The following PAFAH1B1 variants were observed in gnomAD, a reference collection of about 807,000 sequenced individuals.
PAFAH1B1 encodes the protein platelet activating factor acetylhydrolase 1b regulatory subunit 1.
PAFAH1B1 carries 2 observed loss-of-function variants against 57.5 expected under a neutral mutation model. That is an observed-to-expected ratio of 0.03 (90% confidence interval 0.01 to 0.11). The LOEUF is 0.11. Among genes scored for constraint, PAFAH1B1 ranks in the 10% least tolerant of loss-of-function variants. The pLI is 1.00. For missense variants in PAFAH1B1, 257 were observed against 512.0 expected, an observed-to-expected ratio of 0.50 and a Z score of 4.81; for synonymous variants, 152 against 169.6, an observed-to-expected ratio of 0.90 and a Z score of 0.81.
intron 1 of PAFAH1B1, chr17:2,613,254 C>A: frequency 5.4e-6 from 1 of 184,834 alleles, no homozygotes. Context: ...TGTGTGGCCC[C>A]ACCCCCCACC....
At chr17:2,617,449 T>C (rs1474312143) in intron 1 of PAFAH1B1, among the ~76,000 whole-genome samples, 1 of 152,186 alleles carries the variant, frequency 6.6e-6, no homozygotes, top group African/African-American at 2.4e-5. Context: ...TAAAAGAATT[T>C]TACAACTTTT....
rs1374217018 is a variant in PAFAH1B1, at chr17:2,644,668, CA to C, written c.32+6351del. 9.9e-5 allele frequency among the ~76,000 whole-genome samples: 15 copies of C among 152,170 alleles called. 1 individual carries two copies. The highest frequency in any genetic ancestry group is 7.2e-4 in the Admixed American group (11 of 15,278). ...GGTAGTTTTCAATATTTTGTAACTC[CA>C]AATAATACTGTAATACATAACCCTG... On this transcript the variant is annotated intron_variant, in intron 2 of 10. Coordinates refer to ENST00000397195, the MANE Select transcript of PAFAH1B1 (RefSeq NM_000430.4).
chr17:2,644,968 C>T (rs1378223655), intron 2 of PAFAH1B1, among the ~76,000 whole-genome samples: 1 of 152,052 alleles, frequency 6.6e-6, no homozygotes, highest in Non-Finnish European at 1.5e-5. Context: ...TTCATCAGGC[C>T]AGGTGTGGTG....
chr17:2,656,625 T>G (rs1309310040), intron 2 of PAFAH1B1, among the ~76,000 whole-genome samples: 1 of 152,186 alleles, frequency 6.6e-6, no homozygotes, highest in East Asian at 1.9e-4. Context: ...GAGTAAAAAC[T>G]GCTCCATCAA....
At chr17:2,634,565 T>A (rs184742957) in intron 1 of PAFAH1B1, among the ~76,000 whole-genome samples, 21 of 152,344 alleles carry the variant, frequency 1.4e-4, no homozygotes, top group African/African-American at 4.3e-4. Flanking sequence ...TCATTTTTTT[T>A]ATTTACTCCT....
intron 1 of PAFAH1B1, among the ~76,000 whole-genome samples, chr17:2,612,236 T>A (rs2068275377): frequency 6.8e-6 from 1 of 147,436 alleles, no homozygotes; most frequent in South Asian, 2.2e-4. Context: ...TGAGACTGAG[T>A]CTCATCGCCC....
At chr17:2,658,097 T>TCTC (rs778867962) in intron 2 of PAFAH1B1, among the ~76,000 whole-genome samples, 1 of 152,070 alleles carries the variant, frequency 6.6e-6, no homozygotes, top group African/African-American at 2.4e-5. Context: ...TAAGGCAAAA[T>TCTC]CTCCTCCTCT....
chr17:2,641,780 C>T (rs1440893912), intron 2 of PAFAH1B1: 3 of 152,144 alleles, frequency 2.0e-5, no homozygotes, highest in Non-Finnish European at 4.4e-5. Flanking sequence ...GGCATTATTA[C>T]TGGGATGTCT....
intron 2 of PAFAH1B1, among the ~76,000 whole-genome samples, chr17:2,644,829 A>G (rs972407741): frequency 6.6e-6 from 1 of 152,216 alleles, no homozygotes; most frequent in Admixed American, 6.5e-5. Context: ...AATCAGGATA[A>G]GTATTTAAGC....
intron 1 of PAFAH1B1, among the ~76,000 whole-genome samples, chr17:2,634,704 G>T (rs1007594673): frequency 2.0e-5 from 3 of 151,740 alleles, no homozygotes; most frequent in Admixed American, 2.0e-4. Flanking sequence ...CTCCCTATTG[G>T]CCCTGGGATA....
chr17:2,626,699 C>T (rs966275573), intron 1 of PAFAH1B1, among the ~76,000 whole-genome samples: 8 of 151,708 alleles, frequency 5.3e-5, no homozygotes, highest in Admixed American at 2.6e-4. Flanking sequence ...GGATTACATG[C>T]GCGTGCCACC....
chr17:2,680,371 A>C, intron 10 of PAFAH1B1, 51 bp downstream of exon 10: 1 of 1,526,844 alleles, frequency 6.5e-7, no homozygotes, highest in Non-Finnish European at 9.1e-7. Flanking sequence ...AGTGCCAGAC[A>C]AACTGTGTTT....
intron 1 of PAFAH1B1, among the ~76,000 whole-genome samples, chr17:2,633,742 ATAGT>A (rs2068585602): frequency 6.6e-6 from 1 of 151,996 alleles, no homozygotes; most frequent in East Asian, 1.9e-4. Flanking sequence ...ACTTTGCTTG[ATAGT>A]TGGACAGGTT....
At chr17:2,638,973 C>T (rs567833106) in intron 2 of PAFAH1B1, among the ~76,000 whole-genome samples, 5 of 152,230 alleles carry the variant, frequency 3.3e-5, no homozygotes, top group East Asian at 1.9e-4. Flanking sequence ...AATCTCGGCT[C>T]ACTGCAAGCT....
intron 1 of PAFAH1B1, among the ~76,000 whole-genome samples, chr17:2,632,745 T>C (rs2068571258): frequency 6.6e-6 from 1 of 152,214 alleles, no homozygotes; most frequent in African/African-American, 2.4e-5. Context: ...TTATATGTAA[T>C]CCAGAGATGA....
chr17:2,644,954 A>C (rs937880885), intron 2 of PAFAH1B1, among the ~76,000 whole-genome samples: 1 of 152,174 alleles, frequency 6.6e-6, no homozygotes, highest in African/African-American at 2.4e-5. Context: ...AATAATTTAA[A>C]ATGTTCATCA....
At chr17:2,674,429 C>G in intron 8 of PAFAH1B1, 141 bp downstream of exon 8, 2 of 699,246 alleles carry the variant, frequency 2.9e-6, no homozygotes, top group African/African-American at 3.5e-5. Flanking sequence ...ATTCTCTACT[C>G]TTCACAGCTT....
Position 2,593,659 on chromosome 17 carries a change from G to A in PAFAH1B1, c.-538G>A, listed in dbSNP as rs1184966676. On this transcript the variant is annotated 5_prime_UTR_variant, in exon 1 of 11. Coordinates refer to ENST00000397195, the MANE Select transcript of PAFAH1B1 (RefSeq NM_000430.4). ...GTTGGGGCAGCTCCTGTGACAGACGGAGCTGGAGCGGCGGGGCGGCGGCGG... is the reference window on the plus strand; with the variant it reads ...GTTGGGGCAGCTCCTGTGACAGACGAAGCTGGAGCGGCGGGGCGGCGGCGG... 1.1e-5 allele frequency: 3 copies of A among 275,142 alleles called. 1 individual carries two copies. Among genetic ancestry groups the A allele is most frequent in the Non-Finnish European group, 2.0e-5 (3 of 150,180 alleles). 17.0% of individuals were successfully genotyped at this position (275,142 alleles called of 1,614,324 possible). A position where few individuals can be genotyped will look rare whatever the true frequency, so the allele number is the denominator to read the frequency against.
chr17:2,594,525 A>T (rs2068062978), intron 1 of PAFAH1B1, among the ~76,000 whole-genome samples: 1 of 151,908 alleles, frequency 6.6e-6, no homozygotes, highest in Non-Finnish European at 1.5e-5. Context: ...CGGGGCACTC[A>T]TAGGGCCTTC....
Sources: gnomAD v4.1 joint callset for allele counts (sites outside exome capture counted in the v4.1 genomes callset) on GRCh38, gnomAD v4.1.1 for gene constraint, MANE v1.5 for transcripts, NCBI Gene and HGNC (gene_info 2026-07-23, HGNC 2026-07-21) for gene names.